The following PARD3B variants were observed in gnomAD, a reference collection of about 807,000 sequenced individuals.
PARD3B encodes par-3 family cell polarity regulator beta.
Under a neutral mutation model 130.2 loss-of-function variants are expected in PARD3B, and 103 were observed. The ratio of observed to expected loss-of-function variants is 0.79; its 90% CI spans 0.67 to 0.93. The LOEUF is 0.93. Among genes scored for constraint, PARD3B ranks in the 40% least tolerant of loss-of-function variants. The pLI is 0.00. For missense variants in PARD3B, 1,609 were observed against 1,499.2 expected, an observed-to-expected ratio of 1.07 and a Z score of -1.21; for synonymous variants, 583 against 553.2, an observed-to-expected ratio of 1.05 and a Z score of -0.76.
rs190317930 is a variant in PARD3B at position 204,700,535 on chromosome 2, A to G, written c.222+14253A>G. On this transcript the variant is annotated intron_variant, in intron 2 of 22. Transcript: ENST00000406610. Reference sequence around the variant, plus strand: ...TTGACACGCAATCTTTTATTATGACATCTAGTTGATTAATACTTCAGCCAA... The same window carrying G: ...TTGACACGCAATCTTTTATTATGACGTCTAGTTGATTAATACTTCAGCCAA... Among the ~76,000 whole-genome samples the G allele has an allele frequency of 2.2e-3, 335 of 152,220 alleles. 1 individual carries two copies. The highest frequency in any genetic ancestry group is 4.1e-3 in the Non-Finnish European group (278 of 67,984).
intron 3 of PARD3B, among the ~76,000 whole-genome samples, chr2:204,998,714 ATATAT>A (rs1439920557): frequency 2.6e-5 from 4 of 151,764 alleles, no homozygotes; most frequent in Admixed American, 2.6e-4. Context: ...TATTAATATG[ATATAT>A]TGTATTGATT....
At chr2:205,006,324 A>T (rs1248792961) in intron 3 of PARD3B, among the ~76,000 whole-genome samples, 1 of 152,180 alleles carries the variant, frequency 6.6e-6, no homozygotes, top group African/African-American at 2.4e-5. Context: ...TTGGGTAGAT[A>T]CTAAGTAGTG....
intron 2 of PARD3B, among the ~76,000 whole-genome samples, chr2:204,871,452 C>T (rs924669261): frequency 1.3e-5 from 2 of 152,008 alleles, no homozygotes; most frequent in African/African-American, 4.8e-5. Context: ...GAATTCAGAA[C>T]ACTTAGAACA....
chr2:204,895,198 G>C (rs1213524796), intron 2 of PARD3B, among the ~76,000 whole-genome samples: 1 of 152,024 alleles, frequency 6.6e-6, no homozygotes, highest in African/African-American at 2.4e-5. Context: ...GGAGGCATTA[G>C]GTTATGTTAG....
At chr2:205,182,672 T>C (rs1301493495) in intron 13 of PARD3B, among the ~76,000 whole-genome samples, 1 of 152,188 alleles carries the variant, frequency 6.6e-6, no homozygotes, top group Non-Finnish European at 1.5e-5. Flanking sequence ...TTACTTTACA[T>C]AATATTAAGT....
At chr2:205,415,978 A>G (rs2046761796) in intron 19 of PARD3B, among the ~76,000 whole-genome samples, 1 of 152,178 alleles carries the variant, frequency 6.6e-6, no homozygotes. Flanking sequence ...AGACATGTTT[A>G]TGATTCTATT....
chr2:204,957,464 T>G lies in PARD3B; in HGVS notation c.223-7688T>G, dbSNP rs79966165. On this transcript the variant is annotated intron_variant, in intron 2 of 22. Transcript: ENST00000406610. Reference sequence around the variant, plus strand: ...AGGTTCCTGTTCTGAATTTTCAGTTTGGGGAGGAAATGAAAATAGGTTTAT... The same window carrying G: ...AGGTTCCTGTTCTGAATTTTCAGTTGGGGGAGGAAATGAAAATAGGTTTAT... Among the ~76,000 whole-genome samples the G allele has an allele frequency of 5.8e-3, 876 of 152,260 alleles. 43 individuals carry two copies. In the East Asian group the frequency reaches 0.13, roughly 23 times the overall value.
chr2:205,485,279 A>G (rs6747440), intron 20 of PARD3B, among the ~76,000 whole-genome samples: 43,140 of 152,142 alleles, frequency 0.28, 6,534 homozygotes, highest in Middle Eastern at 0.45. Flanking sequence ...ATCGTGCTTC[A>G]TCACCAGATG....
intron 2 of PARD3B, among the ~76,000 whole-genome samples, chr2:204,759,603 C>A (rs1451540239): frequency 1.3e-5 from 2 of 151,966 alleles, no homozygotes; most frequent in East Asian, 3.9e-4. Context: ...CTGTTGTTAA[C>A]ATTTGCATGC....
At chr2:204,601,022 A>G (rs2033487363) in intron 1 of PARD3B, among the ~76,000 whole-genome samples, 1 of 151,888 alleles carries the variant, frequency 6.6e-6, no homozygotes, top group Non-Finnish European at 1.5e-5. Flanking sequence ...AATTTCTTTC[A>G]GGGACTGATC....
intron 4 of PARD3B, among the ~76,000 whole-genome samples, chr2:205,099,388 AG>A (rs1702599074): frequency 6.6e-6 from 1 of 152,184 alleles, no homozygotes; most frequent in Non-Finnish European, 1.5e-5. Context: ...CTTCATAATC[AG>A]GGTTATTTTT....
intron 10 of PARD3B, among the ~76,000 whole-genome samples, chr2:205,149,227 G>A (rs1019585807): frequency 5.3e-5 from 8 of 151,968 alleles, no homozygotes; most frequent in Non-Finnish European, 8.8e-5. Context: ...TATATCTAGC[G>A]AGGCCTGACC....
chr2:205,598,258 G>A (rs915466231), intron 22 of PARD3B, among the ~76,000 whole-genome samples: 1 of 152,022 alleles, frequency 6.6e-6, no homozygotes, highest in African/African-American at 2.4e-5. Context: ...TCAAAGTAAA[G>A]GAATGGCGAA....
At chr2:205,025,099 C>T (rs1696916006) in intron 3 of PARD3B, among the ~76,000 whole-genome samples, 1 of 152,154 alleles carries the variant, frequency 6.6e-6, no homozygotes, top group African/African-American at 2.4e-5. Flanking sequence ...TGTTTATCTT[C>T]TTTCCAGCAG....
At chr2:204,881,362 A>T (rs1441437161) in intron 2 of PARD3B, among the ~76,000 whole-genome samples, 1 of 152,208 alleles carries the variant, frequency 6.6e-6, no homozygotes, top group East Asian at 1.9e-4. Context: ...CAAGATCTAC[A>T]CGTTGATAAA....
At chr2:204,819,096 A>G (rs891934918) in intron 2 of PARD3B, among the ~76,000 whole-genome samples, 2 of 152,216 alleles carry the variant, frequency 1.3e-5, no homozygotes, top group Admixed American at 6.5e-5. Context: ...ATACATACAT[A>G]TCTATAAGTA....
intron 1 of PARD3B, among the ~76,000 whole-genome samples, chr2:204,626,093 T>C (rs2034477273): frequency 6.6e-6 from 1 of 152,218 alleles, no homozygotes; most frequent in African/African-American, 2.4e-5. Context: ...ACTTTAGTTT[T>C]ATAGGAGTAC....
intron 21 of PARD3B, among the ~76,000 whole-genome samples, chr2:205,503,030 T>C (rs1218488859): frequency 1.4e-5 from 2 of 138,330 alleles, no homozygotes; most frequent in Admixed American, 1.5e-4. Context: ...CTCTCCCCTC[T>C]CTCTTCTCTC....
chr2:205,156,121 A>C (rs1380408425), intron 10 of PARD3B, among the ~76,000 whole-genome samples: 2 of 152,026 alleles, frequency 1.3e-5, no homozygotes, highest in Non-Finnish European at 2.9e-5. Flanking sequence ...AGGGACATGG[A>C]TGAAATTGGA....
Sources: allele counts gnomAD v4.1 joint callset (sites outside exome capture counted in the v4.1 genomes callset), GRCh38; gene constraint gnomAD v4.1.1; transcripts MANE v1.5; gene names NCBI Gene and HGNC (gene_info 2026-07-23, HGNC 2026-07-21).